MAP3K14: variants seen among roughly 807,000 people sequenced by gnomAD.
The protein encoded by MAP3K14 is mitogen-activated protein kinase kinase kinase 14.
In MAP3K14, 16 loss-of-function variants were observed where a neutral mutation model predicts 99.2. That is an observed-to-expected ratio of 0.16 (90% CI 0.11 to 0.24). The LOEUF is 0.24. Ranked by LOEUF, MAP3K14 falls within the 10% of genes least tolerant of loss-of-function variation. The probability of loss-of-function intolerance (pLI) is 1.00; values close to 1 mark genes in which losing one functional copy is unlikely to be tolerated. For missense variants in MAP3K14, 784 were observed against 1,208.7 expected (o/e 0.65, Z 5.21); for synonymous variants, 462 against 492.4 (o/e 0.94, Z 0.82).
At position 45,263,836 on chromosome 17, in the gene MAP3K14, T is replaced by C. The variant is rs2044042347; in HGVS notation, c.*800A>G. ...CTGCATCACCCTTCACCTTTACAGATGAGGGAACTGAGTGCCAGCGAGTCT... is the reference window on the plus strand; with the variant it reads ...CTGCATCACCCTTCACCTTTACAGACGAGGGAACTGAGTGCCAGCGAGTCT... On this transcript the variant is annotated 3_prime_UTR_variant, in exon 16 of 16. Coordinates refer to ENST00000344686, the MANE Select transcript of MAP3K14 (RefSeq NM_003954.5). 6.6e-6 allele frequency: 1 copy of C among 152,296 alleles called. No homozygotes were observed. The highest frequency in any genetic ancestry group is 6.5e-5 in the Admixed American group (1 of 15,274). The allele number at this position is 152,296 out of a possible 1,614,324, so 9.4% of individuals were successfully genotyped here.
At chr17:45,304,035 C>T (rs1353980718) in intron 1 of MAP3K14, among the ~76,000 whole-genome samples, 5 of 120,508 alleles carry the variant, frequency 4.1e-5, no homozygotes, top group African/African-American at 9.5e-5. Flanking sequence ...TTTTTTGAGA[C>T]GGAGTCTCGC....
rs999503733 is a variant in MAP3K14, at chr17:45,272,334, A to C, written c.1658-1113T>G. Reference sequence around the variant, plus strand: ...GAGCAAGACTCTGTCTCTAAAAAATAAAAGTTAAAAAGAATCAGAAAAGAT... The same window carrying C: ...GAGCAAGACTCTGTCTCTAAAAAATCAAAGTTAAAAAGAATCAGAAAAGAT... On this transcript the variant is annotated intron_variant, in intron 9 of 15. Transcript: ENST00000344686. This position sits in a 1 kb window ranked among gnomAD's most constrained non-coding sequence, Gnocchi z 4.1. 6.6e-6 allele frequency among the ~76,000 whole-genome samples: 1 copy of C among 151,760 alleles called. No individual in the cohort carries two copies. Among genetic ancestry groups the C allele is most frequent in the African/African-American group, 2.4e-5 (1 of 41,330 alleles).
intron 6 of MAP3K14, among the ~76,000 whole-genome samples, chr17:45,275,739 CA>C (rs1880491636): frequency 6.7e-6 from 1 of 148,506 alleles, no homozygotes. Context: ...CCATCGGGTG[CA>C]TTTTTTTTTC....
At chr17:45,284,235 G>C (rs2044245708) in intron 6 of MAP3K14, among the ~76,000 whole-genome samples, 1 of 152,204 alleles carries the variant, frequency 6.6e-6, no homozygotes, top group Non-Finnish European at 1.5e-5. Context: ...AGACAGACCT[G>C]GTCTGATTCA....
At position 45,274,602 on chromosome 17, in the gene MAP3K14, G is replaced by A. The variant is rs191332614; in HGVS notation, c.1291-9C>T. ...AATACTTCCAGCCGCACCTGCAAGG[G>A]CCCAGAGGCAGCTGTTAAGACAGGG... On this transcript the variant is annotated splice_polypyrimidine_tract_variant and intron_variant, in intron 6 of 15. Coordinates refer to ENST00000344686, the MANE Select transcript of MAP3K14 (RefSeq NM_003954.5). The A allele has an allele frequency of 7.4e-6, 12 of 1,612,838 alleles. No individual in the cohort carries two copies. The highest frequency in any genetic ancestry group is 3.6e-4 in the Middle Eastern group (2 of 5,592).
rs2044252301 is a variant in MAP3K14, at chr17:45,284,952, G to C, written c.1153-3C>G. The C allele has an allele frequency of 6.4e-7, 1 of 1,551,662 alleles. No individual in the cohort carries two copies. Among genetic ancestry groups the C allele is most frequent in the Non-Finnish European group, 8.7e-7 (1 of 1,146,900 alleles). On this transcript the variant is annotated splice_region_variant and splice_polypyrimidine_tract_variant and intron_variant, in intron 5 of 15. Coordinates refer to ENST00000344686, the MANE Select transcript of MAP3K14 (RefSeq NM_003954.5). ...TCATAATCCACTGGCTTGAGTTTCT[G>C]GGGTTGGCAGGAGAGAGAGGACAGT...
rs866847914 is a variant in MAP3K14, at chr17:45,264,257, C to T, written c.*379G>A. 6.5e-5 allele frequency: 12 copies of T among 184,106 alleles called. No homozygotes were observed. The highest frequency in any genetic ancestry group is 6.8e-5 in the Non-Finnish European group (6 of 88,546). The allele number at this position is 184,106 out of a possible 1,614,324, so 11.4% of individuals were successfully genotyped here. On this transcript the variant is annotated 3_prime_UTR_variant, in exon 16 of 16. Coordinates refer to ENST00000344686, the MANE Select transcript of MAP3K14 (RefSeq NM_003954.5). ...CTGGAGGGTGAGGGGCCGAGGGGCT[C>T]GCCCACCCCTTCTGACCCAGGCTGG...
chr17:45,265,153 C>T lies in MAP3K14; in HGVS notation c.2679+10G>A, dbSNP rs1321230059. Reference sequence around the variant, plus strand: ...GACTCTGCCCGTCAGAGTGTACCTGCCCCCCTTACCTGGCTGCTGATGCCA... The same window carrying T: ...GACTCTGCCCGTCAGAGTGTACCTGTCCCCCTTACCTGGCTGCTGATGCCA... On this transcript the variant is annotated intron_variant, in intron 15 of 15. Transcript: ENST00000344686. 4 of 1,607,874 alleles carry T rather than the reference C, an allele frequency of 2.5e-6. No homozygotes were observed. In the Admixed American group the frequency reaches 5.0e-5, roughly 20 times the overall value.
intron 1 of MAP3K14, among the ~76,000 whole-genome samples, chr17:45,301,120 A>G (rs2044384694): frequency 6.6e-6 from 1 of 150,808 alleles, no homozygotes; most frequent in African/African-American, 2.4e-5. Flanking sequence ...GTGAGCCATG[A>G]TTACGCCACT....
rs1272862126 is a variant in MAP3K14 at position 45,266,998 on chromosome 17, CA to C, written c.2433+93del. The C allele has an allele frequency of 4.0e-4, 372 of 937,190 alleles. No individual in the cohort carries two copies. The African/African-American group carries it at 5.3e-3, about 13-fold the overall frequency. The allele number at this position is 937,190 out of a possible 1,614,324, so 58.1% of individuals were successfully genotyped here. On this transcript the variant is annotated intron_variant, in intron 13 of 15. Transcript: ENST00000344686. ...CTTTACCCACTACTTGCACAGTGTC[CA>C]TTCACTAGCTGGACGCAAAGCTACT...
At chr17:45,289,513 G>A (rs532176427) in intron 2 of MAP3K14, among the ~76,000 whole-genome samples, 21 of 152,204 alleles carry the variant, frequency 1.4e-4, no homozygotes, top group African/African-American at 4.8e-4. Flanking sequence ...AGCAGACCAC[G>A]GCCTCAGCCA....
At chr17:45,264,956 T>C (rs955221643) in intron 15 of MAP3K14, among the ~76,000 whole-genome samples, 156 bp from the exon 16 acceptor site, 1 of 152,180 alleles carries the variant, frequency 6.6e-6, no homozygotes, top group Admixed American at 6.5e-5. Flanking sequence ...GGCTCAAGTG[T>C]AGGTCTGGAG....
rs149146626 is a variant in MAP3K14 at position 45,271,831 on chromosome 17, G to A, written c.1658-610C>T. Reference sequence around the variant, plus strand: ...GCAGGGGCTGGACATTACAAATTAGGTTGTAGAAGGCTAGTAAGTAATACC... The same window carrying A: ...GCAGGGGCTGGACATTACAAATTAGATTGTAGAAGGCTAGTAAGTAATACC... On this transcript the variant is annotated intron_variant, in intron 9 of 15. Coordinates refer to ENST00000344686, the MANE Select transcript of MAP3K14 (RefSeq NM_003954.5). Among the ~76,000 whole-genome samples, 280 of 152,234 alleles carry A rather than the reference G, an allele frequency of 1.8e-3. 4 individuals are homozygous for A. Among genetic ancestry groups the A allele is most frequent in the African/African-American group, 6.5e-3 (268 of 41,528 alleles).
intron 1 of MAP3K14, among the ~76,000 whole-genome samples, chr17:45,305,392 G>A (rs962232681): frequency 2.0e-5 from 3 of 146,570 alleles, no homozygotes; most frequent in Non-Finnish European, 3.0e-5. Flanking sequence ...CACAGCGCCC[G>A]GCCGTTTTTT....
At chr17:45,287,511 C>T in intron 3 of MAP3K14, 147 bp from the exon 4 acceptor site, 1 of 642,018 alleles carries the variant, frequency 1.6e-6, no homozygotes, top group South Asian at 2.0e-5. Flanking sequence ...TTTCTAAATC[C>T]CAAGGAACCT....
At chr17:45,283,855 C>T (rs957456029) in intron 6 of MAP3K14, among the ~76,000 whole-genome samples, 1 of 152,184 alleles carries the variant, frequency 6.6e-6, no homozygotes, top group African/African-American at 2.4e-5. Context: ...CGCCTTAGGT[C>T]CTGGTGCTGG....
Position 45,273,709 on chromosome 17 carries a change from GC to G in MAP3K14, c.1553-103del, listed in dbSNP as rs1347480779. 6 of 852,224 alleles carry G rather than the reference GC, an allele frequency of 7.0e-6. No homozygotes were observed. In the South Asian group the frequency reaches 8.6e-5, roughly 12 times the overall value. 52.8% of individuals were successfully genotyped at this position (852,224 alleles called of 1,614,324 possible). ...TGCCCTCCAGTGATGTAATTTTCTG[GC>G]TGACCCTACGTGGCAGCTGCTGCTT... On this transcript the variant is annotated intron_variant, in intron 8 of 15. Coordinates refer to ENST00000344686, the MANE Select transcript of MAP3K14 (RefSeq NM_003954.5).
At chr17:45,293,268 G>A (rs994151983) in intron 1 of MAP3K14, among the ~76,000 whole-genome samples, 1 of 152,222 alleles carries the variant, frequency 6.6e-6, no homozygotes, top group Non-Finnish European at 1.5e-5. Context: ...GGCTATTAGA[G>A]ATCTGGCTGT....
At chr17:45,290,117 G>C (rs564994948) in intron 2 of MAP3K14, among the ~76,000 whole-genome samples, 1 of 152,298 alleles carries the variant, frequency 6.6e-6, no homozygotes, top group East Asian at 1.9e-4. Flanking sequence ...GGCCCTACAG[G>C]CCCCAGTGGG....
Sources: gnomAD v4.1 joint callset for allele counts (sites outside exome capture counted in the v4.1 genomes callset) on GRCh38, gnomAD v4.1.1 for gene constraint, Gnocchi (gnomAD v3.1) non-coding constraint, MANE v1.5 for transcripts, NCBI Gene and HGNC (gene_info 2026-07-23, HGNC 2026-07-21) for gene names.